PDGFRL: variants seen among roughly 807,000 people sequenced by gnomAD.
PDGFRL encodes the protein platelet-derived growth factor receptor-like protein.
In PDGFRL, 46 loss-of-function variants were observed where a neutral mutation model predicts 37.2. That is an observed-to-expected ratio of 1.24 (90% confidence interval 0.98 to 1.58). The LOEUF is 1.58. Among genes scored for constraint, PDGFRL ranks in the 40% most tolerant of loss-of-function variants. The probability of loss-of-function intolerance (pLI) is 0.00; values close to 1 mark genes in which losing one functional copy is unlikely to be tolerated. For synonymous variants in PDGFRL, 251 were observed against 184.3 expected, an observed-to-expected ratio of 1.36 and a Z score of -2.93; for missense variants, 692 against 467.6, an observed-to-expected ratio of 1.48 and a Z score of -4.43.
At chr8:17,596,888 G>T (rs1221940610) in intron 2 of PDGFRL, among the ~76,000 whole-genome samples, 1 of 152,192 alleles carries the variant, frequency 6.6e-6, no homozygotes, top group African/African-American at 2.4e-5. Context: ...CCCAGAACGT[G>T]GTGCCTTTGG....
rs142108465 is a variant in PDGFRL at position 17,603,870 on chromosome 8, G to A, written c.353+14105G>A. Among the ~76,000 whole-genome samples, 797 of 152,268 alleles carry A rather than the reference G, an allele frequency of 5.2e-3. 17 individuals carry two copies. Among genetic ancestry groups the A allele is most frequent in the African/African-American group, 0.018 (766 of 41,562 alleles). On this transcript the variant is annotated intron_variant, in intron 2 of 5. Coordinates refer to ENST00000251630, the MANE Select transcript of PDGFRL (RefSeq NM_001372073.1). Reference sequence around the variant, plus strand: ...CATATTTGAAAGTTCCCTGGGTAAGGAAGGGCATAGCAAGATATAAGGAAA... The same window carrying A: ...CATATTTGAAAGTTCCCTGGGTAAGAAAGGGCATAGCAAGATATAAGGAAA...
intron 3 of PDGFRL, among the ~76,000 whole-genome samples, chr8:17,624,975 T>TATTTTA (rs1213302128): frequency 3.9e-5 from 5 of 129,508 alleles, no homozygotes; most frequent in African/African-American, 1.3e-4. Flanking sequence ...ATTTATTTAT[T>TATTTTA]TTTTTATTTT....
intron 2 of PDGFRL, among the ~76,000 whole-genome samples, chr8:17,608,634 G>A (rs558387362): frequency 4.5e-4 from 69 of 152,270 alleles, no homozygotes; most frequent in Non-Finnish European, 7.2e-4. Flanking sequence ...TTTGCTTAAT[G>A]TATATATAAA....
At chr8:17,582,366 G>A (rs1803725382) in intron 1 of PDGFRL, among the ~76,000 whole-genome samples, 1 of 152,076 alleles carries the variant, frequency 6.6e-6, no homozygotes, top group African/African-American at 2.4e-5. Context: ...GGCGGATCAT[G>A]AGGTCAGGAG....
At chr8:17,615,104 G>A (rs761211300) in intron 2 of PDGFRL, among the ~76,000 whole-genome samples, 19 of 152,140 alleles carry the variant, frequency 1.2e-4, no homozygotes, top group Non-Finnish European at 2.2e-4. Context: ...GCCATCTCAC[G>A]GGATTGAGAA....
intron 2 of PDGFRL, chr8:17,596,449 A>T (rs1804054639): frequency 2.1e-6 from 1 of 467,214 alleles, no homozygotes; most frequent in South Asian, 1.2e-4. Context: ...AAAAAAACAG[A>T]ATTGATATAA....
upstream of PDGFRL, chr8:17,577,060 G>T (rs1803597871): frequency 1.9e-6 from 1 of 512,842 alleles, no homozygotes; most frequent in Non-Finnish European, 2.9e-6. Context: ...GGGGGCAGGA[G>T]AAGTCACATT....
At chr8:17,624,406 C>G (rs536701815) in intron 3 of PDGFRL, among the ~76,000 whole-genome samples, 2 of 152,268 alleles carry the variant, frequency 1.3e-5, no homozygotes, top group African/African-American at 4.8e-5. Flanking sequence ...AAGGTTTTCC[C>G]TGCTTCTCTT....
At position 17,577,308 on chromosome 8, in the gene PDGFRL, G is replaced by A. The variant is rs766170524; in HGVS notation, c.55+1G>A. ...CTGGTGCACGAAGCGCTGGAGGATG[G>A]TGAGTGACTCTGGGCGCGGGGCCAC... is the stretch of plus-strand genomic sequence containing the variant. On this transcript the variant is annotated splice_donor_variant, in intron 1 of 5. Coordinates refer to ENST00000251630, the MANE Select transcript of PDGFRL (RefSeq NM_001372073.1). LOFTEE classifies it high-confidence loss of function. The A allele has an allele frequency of 9.9e-6, 16 of 1,612,124 alleles. No homozygotes were observed. The highest frequency in any genetic ancestry group is 5.0e-5 in the Admixed American group (3 of 59,868).
At chr8:17,634,366 T>C (rs1381343505) in intron 5 of PDGFRL, among the ~76,000 whole-genome samples, 153 bp downstream of exon 5, 1 of 150,572 alleles carries the variant, frequency 6.6e-6, no homozygotes, top group African/African-American at 2.5e-5. Flanking sequence ...CCAGGTATTG[T>C]TTGTTTTTTT....
At chr8:17,639,860 C>T (rs1805054463) in intron 5 of PDGFRL, among the ~76,000 whole-genome samples, 1 of 152,208 alleles carries the variant, frequency 6.6e-6, no homozygotes, top group African/African-American at 2.4e-5. Flanking sequence ...TGATTACTCC[C>T]TCAAATATGT....
intron 5 of PDGFRL, among the ~76,000 whole-genome samples, chr8:17,638,551 C>A (rs1805019903): frequency 6.6e-6 from 1 of 151,318 alleles, no homozygotes; most frequent in African/African-American, 2.4e-5. Context: ...ACAAATAGCC[C>A]TTAAGTCCAT....
chr8:17,601,228 G>A lies in PDGFRL; in HGVS notation c.353+11463G>A, dbSNP rs540378408. 1.1e-4 allele frequency among the ~76,000 whole-genome samples: 16 copies of A among 152,306 alleles called. No individual in the cohort carries two copies. The South Asian group carries it at 3.1e-3, about 30-fold the overall frequency. ...AGTGACTGTAGTCTCTAACCTTAGA[G>A]GGTGTCTGTTTATTCCCTGATGTTT... On this transcript the variant is annotated intron_variant, in intron 2 of 5. Coordinates refer to ENST00000251630, the MANE Select transcript of PDGFRL (RefSeq NM_001372073.1).
chr8:17,601,500 A>G (rs1340282422), intron 2 of PDGFRL, among the ~76,000 whole-genome samples: 3 of 150,074 alleles, frequency 2.0e-5, no homozygotes, highest in Admixed American at 1.3e-4. Flanking sequence ...GAGCGTGTAT[A>G]TGTGCAGGTT....
intron 2 of PDGFRL, chr8:17,596,167 C>T (rs552689298): frequency 1.1e-4 from 46 of 401,964 alleles, no homozygotes; most frequent in African/African-American, 7.6e-4. Flanking sequence ...GAGAAGTGGC[C>T]GGAGGCAGTT....
intron 2 of PDGFRL, among the ~76,000 whole-genome samples, chr8:17,613,985 G>A (rs558950941): frequency 6.6e-6 from 1 of 152,214 alleles, no homozygotes; most frequent in Non-Finnish European, 1.5e-5. Flanking sequence ...TGGAAATATT[G>A]TATCACATTG....
chr8:17,623,735 G>A (rs545395724), intron 3 of PDGFRL, among the ~76,000 whole-genome samples: 5 of 152,158 alleles, frequency 3.3e-5, no homozygotes, highest in African/African-American at 4.8e-5. Flanking sequence ...TTAGCTGGGC[G>A]TGGTGGTGCA....
At chr8:17,634,674 C>G (rs1304094963) in intron 5 of PDGFRL, among the ~76,000 whole-genome samples, 1 of 152,136 alleles carries the variant, frequency 6.6e-6, no homozygotes, top group Admixed American at 6.5e-5. Flanking sequence ...TGCAGGAACA[C>G]AAATGGAGCT....
chr8:17,635,096 C>T (rs549023079), intron 5 of PDGFRL, among the ~76,000 whole-genome samples: 65 of 152,160 alleles, frequency 4.3e-4, no homozygotes, highest in Non-Finnish European at 7.2e-4. Context: ...ATCTAACCTC[C>T]TCCTGGGGTC....
Sources: gnomAD v4.1 joint callset for allele counts (sites outside exome capture counted in the v4.1 genomes callset) on GRCh38, gnomAD v4.1.1 for gene constraint, MANE v1.5 for transcripts, NCBI Gene and HGNC (gene_info 2026-07-23, HGNC 2026-07-21) for gene names.